TOX2: variants seen among roughly 807,000 people sequenced by gnomAD.
TOX2 encodes the protein TOX high mobility group box family member 2, also known as granulosa cell HMG box 1.
Under a neutral mutation model 47.4 loss-of-function variants are expected in TOX2, and 15 were observed. The ratio of observed to expected loss-of-function variants is 0.32; its 90% CI spans 0.21 to 0.49. The LOEUF is 0.49. Among genes scored for constraint, TOX2 ranks in the 20% least tolerant of loss-of-function variants. The pLI, the probability that TOX2 is intolerant of heterozygous loss-of-function variation, is 0.99. For synonymous variants in TOX2, 290 were observed against 296.6 expected, an observed-to-expected ratio of 0.98 and a Z score of 0.23; for missense variants, 622 against 673.1, an observed-to-expected ratio of 0.92 and a Z score of 0.84.
intron 1 of TOX2, chr20:43,955,408 C>T (rs556989276): frequency 1.5e-6 from 1 of 656,216 alleles, no homozygotes; most frequent in East Asian, 1.4e-4. Flanking sequence ...TTCTTAGCCA[C>T]CTGGGGTTAT....
chr20:43,954,180 C>G (rs1300243374), intron 1 of TOX2, among the ~76,000 whole-genome samples: 1 of 152,136 alleles, frequency 6.6e-6, no homozygotes, highest in African/African-American at 2.4e-5. Flanking sequence ...CTGTTATTCC[C>G]CCTGCATGCG....
At chr20:44,048,793 T>C (rs2071459255) in intron 3 of TOX2, among the ~76,000 whole-genome samples, 1 of 147,760 alleles carries the variant, frequency 6.8e-6, no homozygotes, top group South Asian at 2.1e-4. Flanking sequence ...TAATAAAGAG[T>C]TTAATCCATA....
At chr20:44,063,270 G>C (rs762615825) in intron 5 of TOX2, among the ~76,000 whole-genome samples, 12 of 151,866 alleles carry the variant, frequency 7.9e-5, no homozygotes, top group Non-Finnish European at 1.8e-4. Context: ...ATCTACAAAG[G>C]AACTCAAATC....
intron 1 of TOX2, among the ~76,000 whole-genome samples, chr20:43,933,376 C>T (rs920235057): frequency 8.5e-5 from 13 of 152,312 alleles, no homozygotes; most frequent in Admixed American, 3.3e-4. Context: ...CTCAGGCCAG[C>T]GCAGCTGAAA....
chr20:43,987,606 G>A (rs550147395), intron 2 of TOX2, among the ~76,000 whole-genome samples: 2 of 152,316 alleles, frequency 1.3e-5, no homozygotes, highest in South Asian at 4.1e-4. Context: ...AGGCAGGGAA[G>A]GGAACCTAGC....
At chr20:43,987,559 G>A (rs2070288404) in intron 2 of TOX2, among the ~76,000 whole-genome samples, 1 of 152,214 alleles carries the variant, frequency 6.6e-6, no homozygotes, top group Non-Finnish European at 1.5e-5. Context: ...TCAAGGCATT[G>A]TATTTTTACA....
intron 3 of TOX2, among the ~76,000 whole-genome samples, chr20:44,016,194 T>TC (rs1372465790): frequency 6.6e-6 from 1 of 151,972 alleles, no homozygotes; most frequent in Non-Finnish European, 1.5e-5. Context: ...CGTTCCCTTC[T>TC]CCCAGCACCC....
chr20:43,919,855 G>A (rs1159541938), intron 1 of TOX2, among the ~76,000 whole-genome samples: 3 of 152,194 alleles, frequency 2.0e-5, no homozygotes, highest in Non-Finnish European at 4.4e-5. Flanking sequence ...ACATGATCTT[G>A]TTCCTTTTTA....
chr20:43,959,717 A>T (rs1441980158), intron 1 of TOX2, among the ~76,000 whole-genome samples: 1 of 152,250 alleles, frequency 6.6e-6, no homozygotes, highest in East Asian at 1.9e-4. Context: ...AACCCGACGT[A>T]CGCTCATGCG....
chr20:43,943,888 C>T (rs1356009102), intron 1 of TOX2, among the ~76,000 whole-genome samples: 3 of 152,234 alleles, frequency 2.0e-5, no homozygotes, highest in East Asian at 3.9e-4. Context: ...TATCGATGGA[C>T]TTTATTGTCA....
At chr20:43,936,036 G>A (rs1456276705) in intron 1 of TOX2, among the ~76,000 whole-genome samples, 2 of 152,000 alleles carry the variant, frequency 1.3e-5, no homozygotes, top group Non-Finnish European at 2.9e-5. Context: ...TGCATGCACA[G>A]GGGTCTTTAG....
intron 3 of TOX2, among the ~76,000 whole-genome samples, chr20:44,028,747 G>T (rs1033575589): frequency 6.6e-6 from 1 of 152,196 alleles, no homozygotes; most frequent in Non-Finnish European, 1.5e-5. Flanking sequence ...GGTGCTGTGG[G>T]CAGGGCTCTC....
Position 43,915,231 on chromosome 20 carries a change from A to C in TOX2, c.99+241A>C, listed in dbSNP as rs1183478961. On this transcript the variant is annotated intron_variant, in intron 1 of 8. Coordinates refer to ENST00000341197, the MANE Select transcript of TOX2 (RefSeq NM_001098797.2). The surrounding 1 kb of genome is among the most constrained non-coding windows in gnomAD (Gnocchi z 7.1). ...GTGGCCCCTCACTCGCGTCCCCCTG[A>C]CAGCCTCGCAGTCATTCACAAGCCG... Among the ~76,000 whole-genome samples the C allele has an allele frequency of 6.6e-6, 1 of 152,002 alleles. No individual in the cohort carries two copies. Among genetic ancestry groups the C allele is most frequent in the Non-Finnish European group, 1.5e-5 (1 of 67,984 alleles).
At chr20:44,032,121 T>C (rs1488116873) in intron 3 of TOX2, among the ~76,000 whole-genome samples, 2 of 151,888 alleles carry the variant, frequency 1.3e-5, no homozygotes, top group Non-Finnish European at 2.9e-5. Context: ...GGTAGGATGG[T>C]CGGGGAAGGC....
chr20:43,995,117 T>C (rs1479823826), intron 2 of TOX2, among the ~76,000 whole-genome samples: 15 of 152,154 alleles, frequency 9.9e-5, no homozygotes, highest in South Asian at 2.1e-4. Context: ...TTTTAGTTTT[T>C]TATTTTTTAA....
At chr20:43,926,136 T>C (rs541321653) in intron 1 of TOX2, among the ~76,000 whole-genome samples, 1 of 152,336 alleles carries the variant, frequency 6.6e-6, no homozygotes, top group East Asian at 1.9e-4. Context: ...GCCACGCATA[T>C]ATTTTATTGT....
At chr20:43,992,147 G>C (rs796175136) in intron 2 of TOX2, among the ~76,000 whole-genome samples, 5 of 152,170 alleles carry the variant, frequency 3.3e-5, no homozygotes, top group African/African-American at 9.7e-5. Context: ...GCAGTAGAGG[G>C]AACAGCCAGC....
chr20:43,958,993 G>C (rs544629311), intron 1 of TOX2, among the ~76,000 whole-genome samples: 1 of 152,340 alleles, frequency 6.6e-6, no homozygotes, highest in Non-Finnish European at 1.5e-5. Flanking sequence ...GAGAGAAAAG[G>C]CCTCTTAGGA....
Position 43,916,058 on chromosome 20 carries a change from C to A in TOX2, c.99+1068C>A. On this transcript the variant is annotated intron_variant, in intron 1 of 8. Transcript: ENST00000341197. The surrounding 1 kb of genome is among the most constrained non-coding windows in gnomAD (Gnocchi z 5.0). Reference sequence around the variant, plus strand: ...GGAACTTTCAAACTTAGTTAGGAAGCCAGACTGTCCGCGCGTCCGCCAGTC... The same window carrying A: ...GGAACTTTCAAACTTAGTTAGGAAGACAGACTGTCCGCGCGTCCGCCAGTC... The A allele has an allele frequency of 1.1e-6, 1 of 936,238 alleles. No homozygotes were observed. Among genetic ancestry groups the A allele is most frequent in the Non-Finnish European group, 1.3e-6 (1 of 785,086 alleles). 58.0% of individuals were successfully genotyped at this position (936,238 alleles called of 1,614,324 possible).
Sources: allele counts gnomAD v4.1 joint callset (sites outside exome capture counted in the v4.1 genomes callset), GRCh38; gene constraint gnomAD v4.1.1; non-coding constraint Gnocchi (gnomAD v3.1); transcripts MANE v1.5; gene names NCBI Gene and HGNC (gene_info 2026-07-23, HGNC 2026-07-21).